CHSY3: variants seen among roughly 807,000 people sequenced by gnomAD.
CHSY3 encodes chondroitin sulfate synthase 3.
A neutral mutation model predicts 67.2 loss-of-function variants in CHSY3; 35 were observed. The observed-to-expected ratio is 0.52, with a 90% confidence interval of 0.40 to 0.69. The LOEUF is 0.69. CHSY3 is among the 30% of genes least tolerant of loss of function. CHSY3 has a pLI of 0.00. For missense variants in CHSY3, 1,069 were observed against 1,138.5 expected (o/e 0.94, Z 0.88); for synonymous variants, 474 against 434.7 (o/e 1.09, Z -1.12).
chr5:130,046,758 A>G (rs1323801250), intron 2 of CHSY3, among the ~76,000 whole-genome samples: 2 of 152,126 alleles, frequency 1.3e-5, no homozygotes, highest in African/African-American at 4.8e-5. Flanking sequence ...CCTTGCATAA[A>G]ATCAGCATTT....
upstream of CHSY3, among the ~76,000 whole-genome samples, chr5:129,904,310 G>A (rs534973226): frequency 2.0e-5 from 3 of 152,224 alleles, no homozygotes; most frequent in South Asian, 2.1e-4. Context: ...CGGGTGACGG[G>A]GAAATACCGC....
rs140954125 is a variant in CHSY3 at position 130,112,132 on chromosome 5, A to G, written c.1087-72097A>G. ...TGTTTTTGGAAAATCATCACTTCAA[A>G]CTTACCAGAGAAAAAGGTTTGTAAG... On this transcript the variant is annotated intron_variant, in intron 2 of 2. Transcript: ENST00000305031. 1.9e-3 allele frequency among the ~76,000 whole-genome samples: 293 copies of G among 152,200 alleles called. 2 individuals carry two copies. Among genetic ancestry groups the G allele is most frequent in the Middle Eastern group, 6.8e-3 (2 of 294 alleles).
chr5:130,178,227 T>A (rs867067595), intron 2 of CHSY3, among the ~76,000 whole-genome samples: 819 of 65,704 alleles, frequency 0.012, 23 homozygotes, highest in African/African-American at 0.017. Flanking sequence ...ATATTTATAT[T>A]TATATATATA....
At chr5:130,155,895 G>A (rs1718979997) in intron 2 of CHSY3, among the ~76,000 whole-genome samples, 1 of 152,182 alleles carries the variant, frequency 6.6e-6, no homozygotes, top group Admixed American at 6.5e-5. Context: ...GGCTTATGTA[G>A]TCTTGTTTTT....
chr5:130,184,744 G>A lies in CHSY3; in HGVS notation c.1602G>A (p.Gly534=). The change falls in exon 3 of 3, where the codon GGG becomes GGA. Residue 534 remains glycine, a synonymous_variant. Coordinates refer to ENST00000305031, the MANE Select transcript of CHSY3 (RefSeq NM_175856.5). Reference sequence around the variant, plus strand: ...ACCGCAGAGTTAACCCCATGCACGGGGTGGAGTACATTTTGGATTTACTCC... The same window carrying A: ...ACCGCAGAGTTAACCCCATGCACGGAGTGGAGTACATTTTGGATTTACTCC... ...YGYRRVNPMH[G]VEYILDLLLL... The A allele has an allele frequency of 6.2e-7, 1 of 1,602,328 alleles. No homozygotes were observed. Among genetic ancestry groups the A allele is most frequent in the African/African-American group, 1.3e-5 (1 of 74,750 alleles).
intron 2 of CHSY3, among the ~76,000 whole-genome samples, chr5:130,128,902 G>A (rs937715276): frequency 1.3e-5 from 2 of 151,648 alleles, no homozygotes; most frequent in Non-Finnish European, 2.9e-5. Context: ...GTAAGATCAT[G>A]GGCATGTGTA....
chr5:130,126,057 CT>C (rs1381010337), intron 2 of CHSY3, among the ~76,000 whole-genome samples: 2 of 152,058 alleles, frequency 1.3e-5, no homozygotes, highest in Admixed American at 6.6e-5. Context: ...TTTTTATATA[CT>C]TTTTTATTGC....
chr5:130,140,948 C>A (rs1768845424), intron 2 of CHSY3: 2 of 864,860 alleles, frequency 2.3e-6, no homozygotes, highest in Non-Finnish European at 2.8e-6. Flanking sequence ...GAATGCTTAC[C>A]TGTTCCATGG....
At chr5:129,948,005 C>G (rs1243068532) in intron 2 of CHSY3, among the ~76,000 whole-genome samples, 2 of 152,088 alleles carry the variant, frequency 1.3e-5, no homozygotes, top group African/African-American at 4.8e-5. Context: ...TATTGTGATA[C>G]TAGCCATTTA....
intron 2 of CHSY3, among the ~76,000 whole-genome samples, chr5:130,020,457 ATATATTTTTT>A (rs1170600876): frequency 3.1e-3 from 17 of 5,532 alleles, no homozygotes; most frequent in Non-Finnish European, 5.7e-3. Flanking sequence ...ATATATATAT[ATATATTTTTT>A]TTTTTTTTTT....
intron 2 of CHSY3, among the ~76,000 whole-genome samples, chr5:130,180,730 T>G (rs1388637471): frequency 4.0e-5 from 6 of 151,738 alleles, no homozygotes; most frequent in African/African-American, 1.5e-4. Context: ...GGCATGCACC[T>G]ATAAGTCCTA....
intron 2 of CHSY3, among the ~76,000 whole-genome samples, chr5:130,015,900 C>T (rs1561497839): frequency 6.6e-6 from 1 of 152,122 alleles, no homozygotes; most frequent in Non-Finnish European, 1.5e-5. Flanking sequence ...TACTACACAG[C>T]CATAAAAATG....
chr5:130,124,457 C>CTTTTTT (rs113386866), intron 2 of CHSY3, among the ~76,000 whole-genome samples: 2 of 142,664 alleles, frequency 1.4e-5, no homozygotes, highest in African/African-American at 2.6e-5. Context: ...ACAGAGCGAA[C>CTTTTTT]TTTTTTTTTT....
intron 2 of CHSY3, among the ~76,000 whole-genome samples, chr5:130,049,358 T>G (rs1765257341): frequency 6.6e-6 from 1 of 152,132 alleles, no homozygotes; most frequent in Non-Finnish European, 1.5e-5. Context: ...GGGAACATGC[T>G]TGCATAGTAC....
chr5:130,126,512 A>C (rs2149711590), intron 2 of CHSY3, among the ~76,000 whole-genome samples: 1 of 152,194 alleles, frequency 6.6e-6, no homozygotes, highest in East Asian at 1.9e-4. Context: ...TTGGCTTGTA[A>C]TTTTGTTATG....
intron 2 of CHSY3, among the ~76,000 whole-genome samples, chr5:129,932,951 A>C (rs774542560): frequency 6.7e-4 from 102 of 152,290 alleles, no homozygotes; most frequent in Admixed American, 4.3e-3. Context: ...CTCCGACATT[A>C]GCTAGTTTAT....
intron 2 of CHSY3, among the ~76,000 whole-genome samples, chr5:129,944,767 A>G (rs909412797): frequency 6.6e-6 from 1 of 152,228 alleles, no homozygotes; most frequent in Non-Finnish European, 1.5e-5. Flanking sequence ...CAAGTGCTGT[A>G]GTTTTACTTC....
chr5:129,905,702 CCTGCCCAGCCCCTCCGCTGCTTCT>C, intron 1 of CHSY3, 71 bp downstream of exon 1: 1 of 1,554,846 alleles, frequency 6.4e-7, no homozygotes. Flanking sequence ...GGTCCTAGCC[CCTGCCCAGCCCCTCCGCTGCTTCT>C]CTGCCAGCAC....
In CHSY3 at chr5:130,046,451, T is replaced by C. The variant is rs181201103; in HGVS notation, c.1087-137778T>C. On this transcript the variant is annotated intron_variant, in intron 2 of 2. Coordinates refer to ENST00000305031, the MANE Select transcript of CHSY3 (RefSeq NM_175856.5). ...TTTTCACCATGGTTTGGGTTTGACCTTAAATTTGTAGGCTAATGGATTTCA... is the reference window on the plus strand; with the variant it reads ...TTTTCACCATGGTTTGGGTTTGACCCTAAATTTGTAGGCTAATGGATTTCA... Among the ~76,000 whole-genome samples, 823 of 152,284 alleles carry C rather than the reference T, an allele frequency of 5.4e-3. 3 individuals carry two copies. The highest frequency in any genetic ancestry group is 8.9e-3 in the Non-Finnish European group (602 of 68,002).
Sources: allele counts gnomAD v4.1 joint callset (sites outside exome capture counted in the v4.1 genomes callset), GRCh38; gene constraint gnomAD v4.1.1; transcripts MANE v1.5; gene names NCBI Gene and HGNC (gene_info 2026-07-23, HGNC 2026-07-21).